Variants in POU6F2 observed in about 807,000 individuals in gnomAD.
The protein encoded by POU6F2 is POU domain, class 6, transcription factor 2.
In POU6F2, 31 loss-of-function variants were observed where a neutral mutation model predicts 71.3. The observed-to-expected ratio is 0.43, with a 90% CI of 0.33 to 0.59. The LOEUF is 0.59. Ranked by LOEUF, POU6F2 falls within the 20% of genes least tolerant of loss-of-function variation. POU6F2 has a pLI of 0.04. For missense variants in POU6F2, 783 were observed against 856.8 expected, an observed-to-expected ratio of 0.91 and a Z score of 1.07; for synonymous variants, 347 against 355.7, an observed-to-expected ratio of 0.98 and a Z score of 0.27.
intron 4 of POU6F2, among the ~76,000 whole-genome samples, chr7:39,335,701 A>G (rs547430151): frequency 6.6e-6 from 1 of 152,366 alleles, no homozygotes; most frequent in East Asian, 1.9e-4. Context: ...AATTCATCAT[A>G]TTAAATGAAG....
intron 1 of POU6F2, among the ~76,000 whole-genome samples, chr7:39,063,206 C>A (rs1340256340): frequency 6.6e-6 from 1 of 151,914 alleles, no homozygotes; most frequent in East Asian, 1.9e-4. Flanking sequence ...CTTTGGCATC[C>A]TTAAATGTGT....
intron 2 of POU6F2, among the ~76,000 whole-genome samples, chr7:39,140,232 C>A (rs1338376693): frequency 6.6e-6 from 1 of 152,164 alleles, no homozygotes; most frequent in African/African-American, 2.4e-5. Flanking sequence ...ATTTTCCACC[C>A]TGGTGTCCCT....
intron 2 of POU6F2, among the ~76,000 whole-genome samples, chr7:39,142,508 A>AGAAAG (rs1172665156): frequency 6.6e-6 from 1 of 152,264 alleles, no homozygotes; most frequent in African/African-American, 2.4e-5. Context: ...GAAAAAGAAA[A>AGAAAG]GAAAGGTAAG....
At chr7:39,162,767 G>A (rs567333151) in intron 2 of POU6F2, among the ~76,000 whole-genome samples, 2 of 151,834 alleles carry the variant, frequency 1.3e-5, no homozygotes, top group South Asian at 4.2e-4. Context: ...TCTAAGTGGG[G>A]ATAGTACTCA....
intron 2 of POU6F2, among the ~76,000 whole-genome samples, chr7:39,139,192 G>T (rs1792446019): frequency 6.6e-6 from 1 of 152,178 alleles, no homozygotes; most frequent in South Asian, 2.1e-4. Context: ...TTGCTGAAAG[G>T]TATGCTCACT....
At chr7:39,043,660 C>G (rs1186835323) in intron 1 of POU6F2, among the ~76,000 whole-genome samples, 1 of 151,948 alleles carries the variant, frequency 6.6e-6, no homozygotes, top group Admixed American at 6.6e-5. Context: ...GTAATGCCCA[C>G]ACAGATTCCT....
At chr7:39,171,784 G>C (rs1484612585) in intron 2 of POU6F2, among the ~76,000 whole-genome samples, 1 of 152,110 alleles carries the variant, frequency 6.6e-6, no homozygotes, top group Non-Finnish European at 1.5e-5. Flanking sequence ...CACTCAATCT[G>C]CTCTTTGAAA....
intron 2 of POU6F2, among the ~76,000 whole-genome samples, chr7:39,150,093 G>A (rs965440038): frequency 1.3e-5 from 2 of 152,060 alleles, no homozygotes; most frequent in Non-Finnish European, 2.9e-5. Context: ...CACCCTGTTA[G>A]CCAAGATGGT....
chr7:39,102,656 G>A (rs542738911), intron 2 of POU6F2, among the ~76,000 whole-genome samples: 3 of 152,058 alleles, frequency 2.0e-5, no homozygotes, highest in Non-Finnish European at 1.5e-5. Context: ...ATGTATGCAT[G>A]TGCATATATA....
At chr7:39,225,522 A>T (rs746176327) in intron 4 of POU6F2, among the ~76,000 whole-genome samples, 137 of 152,200 alleles carry the variant, frequency 9.0e-4, no homozygotes, top group Non-Finnish European at 1.8e-3. Flanking sequence ...ATTTCGAAGC[A>T]TGTTACCTTT....
intron 6 of POU6F2, among the ~76,000 whole-genome samples, chr7:39,408,303 A>T (rs1787483452): frequency 6.6e-6 from 1 of 152,212 alleles, no homozygotes; most frequent in South Asian, 2.1e-4. Flanking sequence ...CATCTAAGTA[A>T]AATACACTGA....
intron 5 of POU6F2, among the ~76,000 whole-genome samples, chr7:39,400,834 T>A (rs1174675451): frequency 6.6e-6 from 1 of 152,224 alleles, no homozygotes; most frequent in East Asian, 1.9e-4. Flanking sequence ...GATTTTACAT[T>A]GGTGAGTCAA....
chr7:39,068,848 G>C (rs2893570), intron 1 of POU6F2, among the ~76,000 whole-genome samples: 126,277 of 152,082 alleles, frequency 0.83, 52,697 homozygotes, highest in East Asian at 1. Context: ...GGTTCCCACT[G>C]TTTAGCATTC....
At chr7:39,046,441 T>A (rs1250809390) in intron 1 of POU6F2, among the ~76,000 whole-genome samples, 1 of 151,908 alleles carries the variant, frequency 6.6e-6, no homozygotes, top group African/African-American at 2.4e-5. Context: ...GTGCAAGAGT[T>A]ATTCATCTTA....
chr7:39,339,682 C>T lies in POU6F2; in HGVS notation c.639C>T (p.Leu213=). ...ACTCCCAGCTCCAGCAGCTCCAGCT[C>T]CAGCTCCAGCAGCAGCAGCAGCAGC... ...SLNSQLQQLQ[L]QLQQQQQQQQ... Residue 213 remains leucine, a synonymous_variant, in exon 5 of 10, where the codon CTC becomes CTT. Coordinates refer to ENST00000518318, the MANE Select transcript of POU6F2 (RefSeq NM_001370959.1). 1 of 1,603,608 alleles carries T rather than the reference C, an allele frequency of 6.2e-7. No individual in the cohort carries two copies. Among genetic ancestry groups the T allele is most frequent in the South Asian group, 1.1e-5 (1 of 90,472 alleles).
At chr7:39,458,384 GC>G (rs67584949) in intron 8 of POU6F2, among the ~76,000 whole-genome samples, 49,728 of 151,514 alleles carry the variant, frequency 0.33, 8,955 homozygotes, top group East Asian at 0.52. Flanking sequence ...GTTAGCAAGT[GC>G]TTTTTTTTTT....
intron 5 of POU6F2, among the ~76,000 whole-genome samples, chr7:39,388,630 A>G (rs915527404): frequency 6.6e-6 from 1 of 152,182 alleles, no homozygotes; most frequent in Non-Finnish European, 1.5e-5. Context: ...ATGATTTTCA[A>G]ACAAAGAAAA....
intron 5 of POU6F2, among the ~76,000 whole-genome samples, chr7:39,367,035 G>T (rs1786516029): frequency 6.6e-6 from 1 of 152,074 alleles, no homozygotes; most frequent in African/African-American, 2.4e-5. Context: ...AAAGATAGAG[G>T]GGGAGACCTG....
At chr7:39,095,634 A>C (rs1405740022) in intron 2 of POU6F2, among the ~76,000 whole-genome samples, 2 of 152,188 alleles carry the variant, frequency 1.3e-5, no homozygotes, top group South Asian at 4.1e-4. Context: ...CAGAGGTCTG[A>C]GAAAAGATCT....
Sources: gnomAD v4.1 joint callset for allele counts (sites outside exome capture counted in the v4.1 genomes callset) on GRCh38, gnomAD v4.1.1 for gene constraint, MANE v1.5 for transcripts, NCBI Gene and HGNC (gene_info 2026-07-23, HGNC 2026-07-21) for gene names.